PCDHGA2: variants seen among roughly 807,000 people sequenced by gnomAD.
PCDHGA2 encodes protocadherin gamma-A2.
In PCDHGA2, 40 loss-of-function variants were observed where a neutral mutation model predicts 59.2. That is an observed-to-expected ratio of 0.68 (90% CI 0.52 to 0.88). The LOEUF (loss-of-function observed/expected upper bound fraction) is 0.88. Among genes scored for constraint, PCDHGA2 ranks in the 40% least tolerant of loss-of-function variants. The pLI, the probability that PCDHGA2 is intolerant of heterozygous loss-of-function variation, is 0.00. For synonymous variants in PCDHGA2, 560 were observed against 526.0 expected, an observed-to-expected ratio of 1.06 and a Z score of -0.89; for missense variants, 1,226 against 1,204.0, an observed-to-expected ratio of 1.02 and a Z score of -0.27.
chr5:141,351,217 T>C, intron 1 of PCDHGA2: 1 of 1,614,054 alleles, frequency 6.2e-7, no homozygotes. Flanking sequence ...AAGCTAAGGA[T>C]GGAGGAGTAC....
chr5:141,480,077 C>T (rs767048249), intron 1 of PCDHGA2, among the ~76,000 whole-genome samples: 2 of 152,142 alleles, frequency 1.3e-5, no homozygotes, highest in Non-Finnish European at 2.9e-5. Flanking sequence ...AAGATTCATG[C>T]ATGATATAAT....
chr5:141,339,961 A>T lies in PCDHGA2; in HGVS notation c.990A>T (p.Arg330Ser). The change falls in exon 1 of 4, where the codon AGA becomes AGT. Residue 330 changes from arginine (R) to serine (S), a missense_variant. Coordinates refer to ENST00000394576, the MANE Select transcript of PCDHGA2 (RefSeq NM_018915.4). ...EAQDGPGLLTRAKVIVTVLDV... is the reference protein window; with the variant it reads ...EAQDGPGLLTSAKVIVTVLDV... ...AGGATGGTCCGGGCCTTCTAACCAG[A>T]GCGAAGGTTATCGTCACGGTTCTGG... 3 of 1,614,170 alleles carry T rather than the reference A, an allele frequency of 1.9e-6. No individual in the cohort carries two copies. Among genetic ancestry groups the T allele is most frequent in the Non-Finnish European group, 2.5e-6 (3 of 1,180,008 alleles).
chr5:141,355,102 C>A, intron 1 of PCDHGA2: 1 of 1,501,220 alleles, frequency 6.7e-7, no homozygotes, highest in Middle Eastern at 2.5e-4. Context: ...AGAGCTCTGG[C>A]TGTGAATGCA....
chr5:141,393,306 A>G (rs2092724552), intron 1 of PCDHGA2: 2 of 1,613,734 alleles, frequency 1.2e-6, no homozygotes, highest in African/African-American at 2.7e-5. Flanking sequence ...TGTGGGCGTG[A>G]ACTCCCTCCA....
Position 141,489,153 on chromosome 5 carries a change from G to T in PCDHGA2, c.2425-5654G>T. 1 of 935,828 alleles carries T rather than the reference G, an allele frequency of 1.1e-6. No individual in the cohort carries two copies. Among genetic ancestry groups the T allele is most frequent in the South Asian group, 1.8e-5 (1 of 55,006 alleles). 58.0% of individuals were successfully genotyped at this position (935,828 alleles called of 1,614,324 possible). A position where few individuals can be genotyped will look rare whatever the true frequency, so the allele number is the denominator to read the frequency against. Reference sequence around the variant, plus strand: ...TTTAAGAGGCTGGAAGGAGACATAAGAGACTTCAGCTGCTGCATTCCAAGC... The same window carrying T: ...TTTAAGAGGCTGGAAGGAGACATAATAGACTTCAGCTGCTGCATTCCAAGC... On this transcript the variant is annotated intron_variant, in intron 1 of 3. Transcript: ENST00000394576. The surrounding 1 kb of genome is among the most constrained non-coding windows in gnomAD (Gnocchi z 4.5).
chr5:141,405,376 G>A lies in PCDHGA2; in HGVS notation c.2424+63981G>A, dbSNP rs567557596. On this transcript the variant is annotated intron_variant, in intron 1 of 3. Coordinates refer to ENST00000394576, the MANE Select transcript of PCDHGA2 (RefSeq NM_018915.4). The stretch of plus-strand genomic sequence containing the variant: ...CTATAGAAGACACCCCTTTGGTTCC[G>A]GTGAGTTCATTTTTTTTCTTTCTTT... The A allele has an allele frequency of 4.3e-4, 696 of 1,602,156 alleles. 3 individuals carry two copies. In the South Asian group the frequency reaches 6.8e-3, roughly 16 times the overall value.
intron 1 of PCDHGA2, chr5:141,360,493 G>C: frequency 6.2e-7 from 1 of 1,613,892 alleles, no homozygotes; most frequent in Non-Finnish European, 8.5e-7. Flanking sequence ...TTTCTACATA[G>C]CAGTAATTGT....
intron 1 of PCDHGA2, chr5:141,440,534 C>A (rs562736984): frequency 1.3e-5 from 2 of 152,188 alleles, no homozygotes; most frequent in East Asian, 3.9e-4. Flanking sequence ...TCATGCACCA[C>A]GGTTCAGCAG....
intron 1 of PCDHGA2, among the ~76,000 whole-genome samples, chr5:141,456,703 G>T (rs528071544): frequency 1.3e-5 from 2 of 152,062 alleles, no homozygotes; most frequent in Non-Finnish European, 2.9e-5. Context: ...GGTGGCTCGC[G>T]CCTGTAATCC....
At chr5:141,421,523 C>G in intron 1 of PCDHGA2, 1 of 1,614,034 alleles carries the variant, frequency 6.2e-7, no homozygotes, top group Non-Finnish European at 8.5e-7. Context: ...CTCTGTGAGA[C>G]GGTGTCCTCC....
chr5:141,382,463 A>T (rs1010194037), intron 1 of PCDHGA2, among the ~76,000 whole-genome samples: 1 of 152,216 alleles, frequency 6.6e-6, no homozygotes, highest in African/African-American at 2.4e-5. Context: ...GCAGTTTTTT[A>T]AAAATTATCT....
At chr5:141,499,212 G>A (rs904920940) in intron 2 of PCDHGA2, among the ~76,000 whole-genome samples, 1 of 151,898 alleles carries the variant, frequency 6.6e-6, no homozygotes, top group African/African-American at 2.4e-5. Context: ...TGTAACCCAG[G>A]CCCTGCCCTG....
intron 1 of PCDHGA2, chr5:141,355,087 C>T (rs1052813011): frequency 1.4e-6 from 2 of 1,455,264 alleles, no homozygotes; most frequent in Non-Finnish European, 1.8e-6. Context: ...CAAGCGGAAG[C>T]CCTGAGAGCT....
intron 1 of PCDHGA2, chr5:141,351,581 A>G (rs1327438256): frequency 1.2e-6 from 2 of 1,614,024 alleles, no homozygotes; most frequent in Admixed American, 1.7e-5. Context: ...CATCTCCGAC[A>G]TCAACGACAA....
intron 1 of PCDHGA2, chr5:141,427,624 C>T (rs2097051687): frequency 1.4e-6 from 1 of 698,516 alleles, no homozygotes; most frequent in South Asian, 1.5e-5. Context: ...AACGACAATG[C>T]TCCGGTTTTC....
chr5:141,388,842 A>C, intron 1 of PCDHGA2: 1 of 1,614,014 alleles, frequency 6.2e-7, no homozygotes, highest in Non-Finnish European at 8.5e-7. Flanking sequence ...TTTGGAAGCA[A>C]GGGACGGTGG....
chr5:141,374,340 C>T, intron 1 of PCDHGA2: 1 of 1,614,016 alleles, frequency 6.2e-7, no homozygotes, highest in Non-Finnish European at 8.5e-7. Context: ...AGCTTGGTCA[C>T]CGCGGGTAGG....
intron 1 of PCDHGA2, chr5:141,404,364 T>A (rs1353392173): frequency 2.5e-6 from 4 of 1,613,962 alleles, no homozygotes; most frequent in Non-Finnish European, 3.4e-6. Context: ...GGTACTTCCA[T>A]CTTCTCCGTG....
At chr5:141,393,367 G>A (rs1302436646) in intron 1 of PCDHGA2, 2 of 1,613,962 alleles carry the variant, frequency 1.2e-6, no homozygotes, top group East Asian at 2.2e-5. Flanking sequence ...GTGCAGACTG[G>A]AGACAATGGA....
Sources: gnomAD v4.1 joint callset for allele counts (sites outside exome capture counted in the v4.1 genomes callset) on GRCh38, gnomAD v4.1.1 for gene constraint, Gnocchi (gnomAD v3.1) non-coding constraint, MANE v1.5 for transcripts, NCBI Gene and HGNC (gene_info 2026-07-23, HGNC 2026-07-21) for gene names.